Variants in HM13 observed in about 807,000 individuals in gnomAD.
HM13 encodes histocompatibility minor 13, also known as signal peptide peptidase.
In HM13, 18 loss-of-function variants were observed where a neutral mutation model predicts 50.0. The ratio of observed to expected loss-of-function variants is 0.36; its 90% confidence interval spans 0.25 to 0.53. HM13 has a LOEUF of 0.53. Among genes scored for constraint, HM13 ranks in the 20% least tolerant of loss-of-function variants. The probability of loss-of-function intolerance (pLI) is 0.90; values close to 1 mark genes in which losing one functional copy is unlikely to be tolerated. For synonymous variants in HM13, 197 were observed against 232.6 expected, an observed-to-expected ratio of 0.85 and a Z score of 1.39; for missense variants, 393 against 552.4, an observed-to-expected ratio of 0.71 and a Z score of 2.89.
intron 4 of HM13, chr20:31,547,901 C>A: frequency 1.8e-6 from 2 of 1,084,696 alleles, no homozygotes; most frequent in Non-Finnish European, 2.9e-6. Context: ...ACGATTGTAG[C>A]AGTCACAGCG....
At chr20:31,555,668 T>C (rs1244552499) in intron 8 of HM13, among the ~76,000 whole-genome samples, 2 of 152,090 alleles carry the variant, frequency 1.3e-5, no homozygotes, top group African/African-American at 4.8e-5. Context: ...GGTTAGAAGC[T>C]TGCTTAAAAG....
At position 31,549,088 on chromosome 20, in the gene HM13, G is replaced by A. The variant is rs374785220; in HGVS notation, c.514G>A (p.Val172Ile). ...GGTGTGCCTGGGCCTGAGCAGCATC[G>A]TTGGCGTCTGGTACCTGCTGAGGAA... ...DLVCLGLSSI[V>I]GVWYLLRKHW... Residue 172 changes from valine to isoleucine, a missense_variant, in exon 5 of 13, where the codon GTT becomes ATT. This residue lies in a region of HM13 where 214 missense variants were observed against 276.1 expected (regional missense o/e 0.77). Transcript: ENST00000398174. The A allele has an allele frequency of 1.2e-4, 186 of 1,614,078 alleles. 3 individuals carry two copies. The Admixed American group carries it at 2.4e-3, about 21-fold the overall frequency.
intron 4 of HM13, 85 bp from the exon 5 acceptor site, chr20:31,548,944 G>A (rs1983868072): frequency 2.5e-6 from 3 of 1,185,802 alleles, no homozygotes; most frequent in Non-Finnish European, 3.8e-6. Flanking sequence ...AGTGCCCACA[G>A]CCATGCCCTC....
At chr20:31,546,151 G>A (rs1983703714) in intron 4 of HM13, among the ~76,000 whole-genome samples, 1 of 146,482 alleles carries the variant, frequency 6.8e-6, no homozygotes, top group South Asian at 2.2e-4. Flanking sequence ...CTGGGTTCAC[G>A]CCATTCTCCT....
At chr20:31,548,633 C>A in intron 4 of HM13, 1 of 270,210 alleles carries the variant, frequency 3.7e-6, no homozygotes, top group Non-Finnish European at 7.3e-6. Context: ...ACTTATTCCC[C>A]CACAGCAGCC....
At chr20:31,523,196 G>C (rs563139477) in intron 1 of HM13, among the ~76,000 whole-genome samples, 23 of 151,452 alleles carry the variant, frequency 1.5e-4, no homozygotes, top group Non-Finnish European at 2.9e-4. Context: ...GACCATAGGC[G>C]CACAATATCA....
At chr20:31,558,758 CTG>C (rs1984451836) in intron 8 of HM13, among the ~76,000 whole-genome samples, 2 of 151,884 alleles carry the variant, frequency 1.3e-5, no homozygotes, top group African/African-American at 4.8e-5. Flanking sequence ...GAGTCTCACT[CTG>C]TCGTCCAGGC....
intron 8 of HM13, among the ~76,000 whole-genome samples, 158 bp from the exon 9 acceptor site, chr20:31,559,453 G>T (rs2122651074): frequency 6.6e-6 from 1 of 152,166 alleles, no homozygotes; most frequent in East Asian, 1.9e-4. Flanking sequence ...GTAGAGAAAT[G>T]GGACTTTCTG....
chr20:31,554,905 C>A, intron 8 of HM13, 76 bp downstream of exon 8: 1 of 1,183,332 alleles, frequency 8.5e-7, no homozygotes, highest in Non-Finnish European at 1.3e-6. Flanking sequence ...TACTGCTAAA[C>A]AGACAGGCTT....
At chr20:31,568,659 G>A (rs1298117035) in intron 12 of HM13, among the ~76,000 whole-genome samples, 1 of 152,198 alleles carries the variant, frequency 6.6e-6, no homozygotes, top group Non-Finnish European at 1.5e-5. Flanking sequence ...CTAAGCCAGG[G>A]TGTCTGTCTT....
At chr20:31,544,654 T>C (rs1983614954) in intron 3 of HM13, among the ~76,000 whole-genome samples, 1 of 152,240 alleles carries the variant, frequency 6.6e-6, no homozygotes, top group African/African-American at 2.4e-5. Context: ...TTGCCTTCAG[T>C]CTATCTGCTT....
intron 9 of HM13, 118 bp from the exon 10 acceptor site, chr20:31,561,516 C>G (rs1287360692): frequency 9.7e-6 from 7 of 718,958 alleles, no homozygotes; most frequent in African/African-American, 1.7e-5. Flanking sequence ...ACTCCCAGCC[C>G]AGAGCTCAGT....
At chr20:31,538,103 G>A in intron 2 of HM13, 76 bp from the exon 3 acceptor site, 1 of 1,570,532 alleles carries the variant, frequency 6.4e-7, no homozygotes, top group Non-Finnish European at 8.7e-7. Context: ...ACCTCCAGAA[G>A]AGACGCAGGG....
In HM13 at chr20:31,546,252, G is replaced by A. The variant is rs558722006; in HGVS notation, c.454+1217G>A. 1.5e-4 allele frequency among the ~76,000 whole-genome samples: 23 copies of A among 151,536 alleles called. No homozygotes were observed. In the South Asian group the frequency reaches 4.4e-3, roughly 29 times the overall value. On this transcript the variant is annotated intron_variant, in intron 4 of 12. Coordinates refer to ENST00000398174, the MANE Select transcript of HM13 (RefSeq NM_178581.3). ...TTTTTAGTAGAGACGGGGTTTCACCGTGTTAGGATGGTCTCCATCCCCTGA... is the reference window on the plus strand; with the variant it reads ...TTTTTAGTAGAGACGGGGTTTCACCATGTTAGGATGGTCTCCATCCCCTGA...
Position 31,545,009 on chromosome 20 carries a change from C to A in HM13, c.428C>A (p.Thr143Lys). 6.2e-7 allele frequency: 1 copy of A among 1,614,224 alleles called. No homozygotes were observed. The highest frequency in any genetic ancestry group is 8.5e-7 in the Non-Finnish European group (1 of 1,180,016). ...FPNRQYQLLFTQGSGENKEEI... is the reference protein window; with the variant it reads ...FPNRQYQLLFKQGSGENKEEI... ...AATCGACAGTACCAGCTGCTCTTCA[C>A]ACAGGGTTCTGGGGAAAACAAGGAA... is the stretch of plus-strand genomic sequence containing the variant. The change falls in exon 4 of 13, where the codon ACA becomes AAA. Residue 143 changes from threonine to lysine, a missense_variant. Thr to Lys is a moderately conservative substitution (Grantham distance 78). Around this residue, in one of 3 missense-constraint regions of HM13, gnomAD observed 214 missense variants for 276.1 expected, o/e 0.77. Transcript: ENST00000398174.
chr20:31,558,848 C>G (rs887822853), intron 8 of HM13, among the ~76,000 whole-genome samples: 1 of 152,108 alleles, frequency 6.6e-6, no homozygotes, highest in South Asian at 2.1e-4. Flanking sequence ...CTCAGCCTCC[C>G]GAGTAGCTGG....
At position 31,514,807 on chromosome 20, in the gene HM13, G is replaced by A; in HGVS notation, c.183+73G>A. ...CGGCCGACATGGACCCTTCCTAGGC[G>A]GGACAGACACCTCTCCCCGGACACT... On this transcript the variant is annotated intron_variant, in intron 1 of 12. Coordinates refer to ENST00000398174, the MANE Select transcript of HM13 (RefSeq NM_178581.3). The surrounding 1 kb of genome is among the most constrained non-coding windows in gnomAD (Gnocchi z 4.3). 2.2e-6 allele frequency: 3 copies of A among 1,340,080 alleles called. No homozygotes were observed. The highest frequency in any genetic ancestry group is 1.4e-5 in the South Asian group (1 of 69,162). 83.0% of individuals were successfully genotyped at this position (1,340,080 alleles called of 1,614,324 possible). A position where few individuals can be genotyped will look rare whatever the true frequency, so the allele number is the denominator to read the frequency against.
intron 2 of HM13, among the ~76,000 whole-genome samples, chr20:31,537,015 G>A (rs768474810): frequency 2.0e-5 from 3 of 152,226 alleles, no homozygotes; most frequent in Non-Finnish European, 4.4e-5. Flanking sequence ...GCACGTAGTA[G>A]GCAATCAATC....
chr20:31,554,960 T>C (rs547952862), intron 8 of HM13, 131 bp downstream of exon 8: 4 of 793,286 alleles, frequency 5.0e-6, no homozygotes, highest in African/African-American at 1.7e-5. Context: ...AGGCCAGGGA[T>C]TGGTGAAGGG....
Sources: gnomAD v4.1 joint callset for allele counts (sites outside exome capture counted in the v4.1 genomes callset) on GRCh38, gnomAD v4.1.1 for gene constraint, gnomAD v4.1.1 regional missense constraint, Gnocchi (gnomAD v3.1) non-coding constraint, MANE v1.5 for transcripts, NCBI Gene and HGNC (gene_info 2026-07-23, HGNC 2026-07-21) for gene names.